Variants in AGAP3 observed in about 807,000 individuals in gnomAD.
AGAP3 encodes the protein arf-GAP with GTPase, ANK repeat and PH domain-containing protein 3.
AGAP3 carries 24 observed loss-of-function variants against 96.9 expected under a neutral mutation model. That is an observed-to-expected ratio of 0.25 (90% CI 0.18 to 0.35). The LOEUF (loss-of-function observed/expected upper bound fraction) is 0.35. Ranked by LOEUF, AGAP3 falls within the 10% of genes least tolerant of loss-of-function variation. The pLI, the probability that AGAP3 is intolerant of heterozygous loss-of-function variation, is 1.00. For synonymous variants in AGAP3, 563 were observed against 536.1 expected (o/e 1.05, Z -0.69); for missense variants, 876 against 1,254.2 (o/e 0.70, Z 4.55).
At position 151,117,339 on chromosome 7, in the gene AGAP3, CACTTTGGACCTG is replaced by C; in HGVS notation, c.479-28_479-17del. 6.2e-7 allele frequency: 1 copy of C among 1,613,112 alleles called. No individual in the cohort carries two copies. Among genetic ancestry groups the C allele is most frequent in the Middle Eastern group, 1.6e-4 (1 of 6,062 alleles). ...TCTTGGCCCCTGGATTCTTTCTCCACACTTTGGACCTGACTGCGCGCTCTGTCCTAGGGGGGC... is the reference window on the plus strand; with the variant it reads ...TCTTGGCCCCTGGATTCTTTCTCCACACTGCGCGCTCTGTCCTAGGGGGGC... On this transcript the variant is annotated intron_variant, in intron 3 of 17. Transcript: ENST00000397238.
chr7:151,123,066 C>T (rs527751498), intron 8 of AGAP3: 26 of 1,258,880 alleles, frequency 2.1e-5, no homozygotes, highest in Middle Eastern at 3.2e-4. Flanking sequence ...GCCAGCGCGA[C>T]GAGGCCCAGA....
chr7:151,129,200 C>A (rs1282392469), intron 10 of AGAP3, among the ~76,000 whole-genome samples: 4 of 152,068 alleles, frequency 2.6e-5, no homozygotes, highest in Admixed American at 2.6e-4. Context: ...CTGTGCAGCT[C>A]CCCCACCCTT....
intron 9 of AGAP3, among the ~76,000 whole-genome samples, chr7:151,126,880 G>A (rs866063967): frequency 6.6e-6 from 1 of 152,228 alleles, no homozygotes; most frequent in Non-Finnish European, 1.5e-5. Flanking sequence ...AGGGGGCCAG[G>A]TAGCAGGATG....
chr7:151,097,630 G>A (rs556546065), intron 1 of AGAP3, among the ~76,000 whole-genome samples: 1 of 152,192 alleles, frequency 6.6e-6, no homozygotes, highest in South Asian at 2.1e-4. Flanking sequence ...GCCTCAGGGA[G>A]CTTTTTACGG....
At chr7:151,123,651 T>G in intron 8 of AGAP3, 143 bp from the exon 9 acceptor site, 1 of 1,502,158 alleles carries the variant, frequency 6.7e-7, no homozygotes, top group Non-Finnish European at 8.9e-7. Context: ...TGGTCTCAGT[T>G]CCTTCCCGTC....
intron 1 of AGAP3, chr7:151,116,501 A>AAT (rs1338442394): frequency 2.0e-6 from 1 of 493,644 alleles, no homozygotes; most frequent in Non-Finnish European, 3.6e-6. Context: ...GTGGGGGGAC[A>AAT]ATAAACCTGC....
intron 11 of AGAP3, among the ~76,000 whole-genome samples, chr7:151,136,013 G>A (rs1332230303): frequency 6.6e-6 from 1 of 152,194 alleles, no homozygotes; most frequent in Non-Finnish European, 1.5e-5. Context: ...CCCATCATGG[G>A]GCTGTGCCAG....
In AGAP3 at chr7:151,104,009, G is replaced by C. The variant is rs188999146; in HGVS notation, c.332-12784G>C. Among the ~76,000 whole-genome samples the C allele has an allele frequency of 4.6e-5, 7 of 152,244 alleles. No homozygotes were observed. In the South Asian group the frequency reaches 1.2e-3, roughly 27 times the overall value. ...ACCACAGCCTTAGTGCCGTGGCGGG[G>C]GCGTGAGGACTGGGTCTCTCCAATG... On this transcript the variant is annotated intron_variant, in intron 1 of 17. Transcript: ENST00000397238.
chr7:151,140,389 G>C lies in AGAP3; in HGVS notation c.1804+273G>C, dbSNP rs1800772455. The C allele has an allele frequency of 3.7e-6, 1 of 271,590 alleles. No individual in the cohort carries two copies. The highest frequency in any genetic ancestry group is 6.8e-6 in the Non-Finnish European group (1 of 146,732). The allele number at this position is 271,590 out of a possible 1,614,324, so 16.8% of individuals were successfully genotyped here. On this transcript the variant is annotated intron_variant, in intron 13 of 17. Transcript: ENST00000397238. The surrounding 1 kb of genome is among the most constrained non-coding windows in gnomAD (Gnocchi z 5.4). The stretch of plus-strand genomic sequence containing the variant: ...AAGACAGCAGACTGCTACATCAATA[G>C]CTCCTCTAAGATGTTCGGGCAGGAC...
Position 151,141,621 on chromosome 7 carries a change from C to T in AGAP3, c.1805-277C>T. ...TCTCTGGTTTCACACCCATTCCCGG[C>T]AGTGCCAGGGGTGCCAAGATCTTGC... is the stretch of plus-strand genomic sequence containing the variant. On this transcript the variant is annotated intron_variant, in intron 13 of 17. Transcript: ENST00000397238. The surrounding 1 kb of genome is among the most constrained non-coding windows in gnomAD (Gnocchi z 4.2). The T allele has an allele frequency of 2.1e-6, 1 of 465,552 alleles. No individual in the cohort carries two copies. Among genetic ancestry groups the T allele is most frequent in the South Asian group, 2.4e-5 (1 of 42,300 alleles). The allele number at this position is 465,552 out of a possible 1,614,324, so 28.8% of individuals were successfully genotyped here.
intron 1 of AGAP3, among the ~76,000 whole-genome samples, chr7:151,115,932 C>T (rs1208984666): frequency 6.6e-6 from 1 of 152,128 alleles, no homozygotes; most frequent in Non-Finnish European, 1.5e-5. Flanking sequence ...GCAGCGCGCT[C>T]GCCTCCGGTT....
chr7:151,122,374 C>T (rs547573311), intron 8 of AGAP3, among the ~76,000 whole-genome samples: 6 of 152,324 alleles, frequency 3.9e-5, no homozygotes, highest in African/African-American at 1.2e-4. Context: ...TGTGTCCCCT[C>T]GCTGTGCCCT....
intron 1 of AGAP3, among the ~76,000 whole-genome samples, chr7:151,110,874 G>A (rs893488485): frequency 6.6e-6 from 1 of 152,162 alleles, no homozygotes; most frequent in Non-Finnish European, 1.5e-5. Context: ...AGCTCATGTG[G>A]TGCTGTTGAA....
At chr7:151,115,947 C>T (rs545809787) in intron 1 of AGAP3, among the ~76,000 whole-genome samples, 1 of 152,288 alleles carries the variant, frequency 6.6e-6, no homozygotes, top group South Asian at 2.1e-4. Context: ...CCGGTTGCCC[C>T]TGTGCATGAG....
chr7:151,115,099 G>C (rs966873691), intron 1 of AGAP3: 3 of 1,028,452 alleles, frequency 2.9e-6, no homozygotes, highest in Non-Finnish European at 3.5e-6. Flanking sequence ...GCGCCGACCC[G>C]GCGCAGCCGC....
chr7:151,116,495 G>GC, intron 1 of AGAP3: 1 of 486,012 alleles, frequency 2.1e-6, no homozygotes, highest in Non-Finnish European at 3.7e-6. Context: ...GGCTTGGTGG[G>GC]GGGACAATAA....
At chr7:151,115,927 G>T (rs962099077) in intron 1 of AGAP3, among the ~76,000 whole-genome samples, 3 of 152,172 alleles carry the variant, frequency 2.0e-5, no homozygotes, top group African/African-American at 7.2e-5. Context: ...TCGGGGCAGC[G>T]CGCTCGCCTC....
chr7:151,094,923 G>A (rs1345121789), intron 1 of AGAP3, among the ~76,000 whole-genome samples: 1 of 151,434 alleles, frequency 6.6e-6, no homozygotes. Context: ...CACCCAGACT[G>A]GAGTGTAGTG....
rs1271105465 is a variant in AGAP3, at chr7:151,143,406, G to A, written c.2339G>A (p.Ser780Asn). 4.3e-6 allele frequency: 7 copies of A among 1,614,222 alleles called. No individual in the cohort carries two copies. The South Asian group carries it at 7.7e-5, about 18-fold the overall frequency. ...EQKLFLAPLP[S>N]SDVPLGQQLL... is the part of the protein sequence containing the mutation. ...AAGCTCTTCCTGGCCCCACTGCCAA[G>A]CTCAGATGTGCCACTGGGGCAGCAG... Residue 780 changes from serine (S) to asparagine (N), a missense_variant, in exon 17 of 18, where the codon AGC (serine) becomes AAC (asparagine). Around this residue, in one of 8 missense-constraint regions of AGAP3, gnomAD observed 213 missense variants for 253.8 expected, o/e 0.84. Transcript: ENST00000397238. The surrounding 1 kb of genome is among the most constrained non-coding windows in gnomAD (Gnocchi z 5.9).
Sources: gnomAD v4.1 joint callset for allele counts (sites outside exome capture counted in the v4.1 genomes callset) on GRCh38, gnomAD v4.1.1 for gene constraint, gnomAD v4.1.1 regional missense constraint, Gnocchi (gnomAD v3.1) non-coding constraint, MANE v1.5 for transcripts, NCBI Gene and HGNC (gene_info 2026-07-23, HGNC 2026-07-21) for gene names.